The following HTR2C variants were observed in gnomAD, a reference collection of about 807,000 sequenced individuals.
HTR2C encodes the protein 5-hydroxytryptamine receptor 2C.
Under a neutral mutation model 21.0 loss-of-function variants are expected in HTR2C, and 5 were observed. That is an observed-to-expected ratio of 0.24 (90% CI 0.12 to 0.50). The LOEUF (loss-of-function observed/expected upper bound fraction) is 0.50. HTR2C is among the 20% of genes least tolerant of loss of function. HTR2C has a pLI of 0.98. For synonymous variants in HTR2C, 150 were observed against 145.3 expected (o/e 1.03, Z -0.23); for missense variants, 271 against 371.2 (o/e 0.73, Z 2.22).
chrX:114,656,309 G>A (rs781982233), intron 2 of HTR2C, among the ~76,000 whole-genome samples: 1 of 111,124 alleles, frequency 9.0e-6, no homozygotes, highest in Non-Finnish European at 1.9e-5. Context: ...ATTTTTCTTA[G>A]AGTATTGCTT....
chrX:114,657,787 A>G (rs1286622273), intron 2 of HTR2C, among the ~76,000 whole-genome samples: 6 of 111,361 alleles, frequency 5.4e-5, no homozygotes, highest in Non-Finnish European at 1.1e-4. Flanking sequence ...TCATTTTTTT[A>G]AGGTTCACAA....
intron 4 of HTR2C, chrX:114,774,687 T>C: frequency 3.6e-6 from 1 of 280,367 alleles, no homozygotes. Flanking sequence ...TGTGCACATG[T>C]TGCATATTCA....
chrX:114,833,394 T>C (rs1249505887), intron 4 of HTR2C, among the ~76,000 whole-genome samples: 2 of 110,197 alleles, frequency 1.8e-5, no homozygotes, highest in Admixed American at 1.9e-4. Context: ...TATTGGTCTG[T>C]TCAGAGATTC....
intron 5 of HTR2C, among the ~76,000 whole-genome samples, chrX:114,891,550 C>G (rs782638221): frequency 9.0e-6 from 1 of 110,621 alleles, no homozygotes; most frequent in South Asian, 3.9e-4. Context: ...TTCCTCCCAT[C>G]TTTCCCTTGT....
chrX:114,730,479 G>A (rs782055218), intron 3 of HTR2C, among the ~76,000 whole-genome samples: 4 of 112,208 alleles, frequency 3.6e-5, no homozygotes, highest in African/African-American at 1.3e-4. Flanking sequence ...ACAGAAATGT[G>A]GAGAGTGGCA....
chrX:114,721,600 T>C (rs1326257995), intron 2 of HTR2C, among the ~76,000 whole-genome samples: 2 of 107,691 alleles, frequency 1.9e-5, no homozygotes, highest in Non-Finnish European at 3.8e-5. Flanking sequence ...CCCATGCCTA[T>C]GTGCTGAATG....
chrX:114,830,811 G>C (rs1384539956), intron 4 of HTR2C, among the ~76,000 whole-genome samples: 9 of 83,347 alleles, frequency 1.1e-4, no homozygotes, highest in Non-Finnish European at 1.9e-4. Context: ...TCATCATCTA[G>C]CATTAGGTAT....
intron 4 of HTR2C, among the ~76,000 whole-genome samples, chrX:114,765,951 T>C (rs980067123): frequency 1.3e-4 from 14 of 111,676 alleles, no homozygotes; most frequent in Admixed American, 9.6e-4. Context: ...GGGGTCATGA[T>C]ATATCTTCAA....
chrX:114,798,046 G>C (rs1294616099), intron 4 of HTR2C, among the ~76,000 whole-genome samples: 2 of 80,232 alleles, frequency 2.5e-5, no homozygotes, highest in Non-Finnish European at 5.0e-5. Flanking sequence ...TAGATTAGTA[G>C]TATTAGTATT....
intron 2 of HTR2C, among the ~76,000 whole-genome samples, chrX:114,667,253 G>A (rs1931210914): frequency 9.0e-6 from 1 of 110,576 alleles, no homozygotes. Flanking sequence ...TTTATGCAGA[G>A]CTCTAATTTT....
intron 2 of HTR2C, among the ~76,000 whole-genome samples, chrX:114,649,772 C>T (rs183407736): frequency 2.7e-5 from 3 of 110,309 alleles, no homozygotes; most frequent in Non-Finnish European, 5.7e-5. Flanking sequence ...CGCATCACCA[C>T]GACTGGCTAA....
chrX:114,755,168 A>T (rs2069799638), intron 4 of HTR2C, among the ~76,000 whole-genome samples: 1 of 104,895 alleles, frequency 9.5e-6, no homozygotes, highest in Non-Finnish European at 1.9e-5. Flanking sequence ...TGAATTCAGG[A>T]GGTGGAGGTT....
intron 1 of HTR2C, among the ~76,000 whole-genome samples, chrX:114,596,075 C>T (rs1009333145): frequency 5.4e-5 from 6 of 111,941 alleles, no homozygotes; most frequent in Non-Finnish European, 9.4e-5. Flanking sequence ...TTTTCCAATA[C>T]TTGTATTTAA....
intron 4 of HTR2C, among the ~76,000 whole-genome samples, chrX:114,772,314 G>C (rs1331778452): frequency 9.0e-6 from 1 of 111,651 alleles, no homozygotes; most frequent in Non-Finnish European, 1.9e-5. Context: ...AAGTTAAAAT[G>C]ATTATTTCAT....
chrX:114,885,691 C>T (rs868984975), intron 5 of HTR2C, among the ~76,000 whole-genome samples: 15 of 111,118 alleles, frequency 1.3e-4, no homozygotes, highest in Non-Finnish European at 2.5e-4. Flanking sequence ...TCATTTTACT[C>T]ATTTAGGTTA....
chrX:114,585,925 G>A (rs184186808), intron 1 of HTR2C, among the ~76,000 whole-genome samples: 1 of 110,002 alleles, frequency 9.1e-6, no homozygotes, highest in African/African-American at 3.3e-5. Context: ...GGGGGGCGGG[G>A]GGTGAGGAAA....
chrX:114,702,888 CA>C (rs1932593170), intron 2 of HTR2C, among the ~76,000 whole-genome samples: 1 of 105,642 alleles, frequency 9.5e-6, no homozygotes, highest in African/African-American at 3.4e-5. Flanking sequence ...AATGGAAAAC[CA>C]AAGAGGCAGG....
intron 2 of HTR2C, among the ~76,000 whole-genome samples, chrX:114,660,772 C>T (rs1480491276): frequency 8.9e-6 from 1 of 112,068 alleles, no homozygotes; most frequent in African/African-American, 3.2e-5. Flanking sequence ...ATAAGGTATA[C>T]TGTCAAATAC....
At chrX:114,740,355 A>G (rs1343174493) in intron 4 of HTR2C, among the ~76,000 whole-genome samples, 2 of 110,177 alleles carry the variant, frequency 1.8e-5, no homozygotes, top group African/African-American at 6.6e-5. Context: ...ACTCTCGTAT[A>G]TTGCTGGTGG....
Sources: allele counts gnomAD v4.1 joint callset (sites outside exome capture counted in the v4.1 genomes callset), GRCh38; gene constraint gnomAD v4.1.1; transcripts MANE v1.5; gene names NCBI Gene and HGNC (gene_info 2026-07-23, HGNC 2026-07-21).